The following NR2C2 variants were observed in gnomAD, a reference collection of about 807,000 sequenced individuals.
The protein encoded by NR2C2 is nuclear receptor subfamily 2 group C member 2.
In NR2C2, 6 loss-of-function variants were observed where a neutral mutation model predicts 62.9. The observed-to-expected ratio is 0.10, with a 90% CI of 0.05 to 0.19. NR2C2 has a LOEUF of 0.19. Among genes scored for constraint, NR2C2 ranks in the 10% least tolerant of loss-of-function variants. The pLI is 1.00. For synonymous variants in NR2C2, 272 were observed against 273.8 expected (o/e 0.99, Z 0.07); for missense variants, 479 against 762.7 (o/e 0.63, Z 4.38).
At chr3:14,978,486 G>A (rs527961763) in intron 1 of NR2C2, among the ~76,000 whole-genome samples, 4 of 152,262 alleles carry the variant, frequency 2.6e-5, no homozygotes, top group African/African-American at 9.6e-5. Flanking sequence ...AATGTGTATT[G>A]CTTTTGTACC....
chr3:14,947,943 C>T, intron 1 of NR2C2, 37 bp downstream of exon 1: 1 of 151,280 alleles, frequency 6.6e-6, no homozygotes, highest in South Asian at 2.0e-4. Context: ...CTCGGGCCGG[C>T]GGCGGAGGGG....
chr3:15,004,685 T>C, intron 2 of NR2C2: 1 of 1,537,082 alleles, frequency 6.5e-7, no homozygotes, highest in East Asian at 2.3e-5. Flanking sequence ...GATTTATTGT[T>C]ATCTCAACAA....
At position 15,045,622 on chromosome 3, in the gene NR2C2, C is replaced by T. The variant is rs2042421490; in HGVS notation, c.*2614C>T. The T allele has an allele frequency of 1.3e-5, 2 of 152,648 alleles. No individual in the cohort carries two copies. Among genetic ancestry groups the T allele is most frequent in the Non-Finnish European group, 2.9e-5 (2 of 68,048 alleles). The allele number at this position is 152,648 out of a possible 1,614,324, so 9.5% of individuals were successfully genotyped here. A position where few individuals can be genotyped will look rare whatever the true frequency, so the allele number is the denominator to read the frequency against. On this transcript the variant is annotated 3_prime_UTR_variant, in exon 14 of 14. Coordinates refer to ENST00000425241, the MANE Select transcript of NR2C2 (RefSeq NM_001291694.2). ...CTTGCTGCTTTAACTCATTTCAAGC[C>T]TCTGACTGCAGGTCCATTTCATCTC...
chr3:14,987,142 G>A (rs999311040), intron 1 of NR2C2, among the ~76,000 whole-genome samples: 3 of 152,114 alleles, frequency 2.0e-5, no homozygotes, highest in African/African-American at 7.2e-5. Flanking sequence ...GAGTCCAGTG[G>A]CAGGAACACA....
At chr3:14,959,146 T>G (rs973628967) in intron 1 of NR2C2, 4 of 152,250 alleles carry the variant, frequency 2.6e-5, no homozygotes, top group Non-Finnish European at 5.9e-5. Context: ...GTGTGATCTT[T>G]CTGTCTCTAG....
At chr3:15,022,247 A>G (rs1292391490) in intron 5 of NR2C2, among the ~76,000 whole-genome samples, 1 of 152,256 alleles carries the variant, frequency 6.6e-6, no homozygotes, top group Non-Finnish European at 1.5e-5. Flanking sequence ...GTTTGCTAGC[A>G]TAATATAAAA....
intron 11 of NR2C2, among the ~76,000 whole-genome samples, chr3:15,035,638 T>C (rs898718291): frequency 6.6e-6 from 1 of 152,252 alleles, no homozygotes; most frequent in Admixed American, 6.5e-5. Flanking sequence ...CTCACTCCTG[T>C]AATCCCAGCA....
At chr3:14,963,002 A>G (rs2039731729) in intron 1 of NR2C2, among the ~76,000 whole-genome samples, 1 of 152,142 alleles carries the variant, frequency 6.6e-6, no homozygotes, top group South Asian at 2.1e-4. Context: ...TGAGAAGTAT[A>G]ATTCCATGTG....
In NR2C2 at chr3:14,987,599, C is replaced by T. The variant is rs536845459; in HGVS notation, c.-39-16277C>T. ...GTCATTTCCACCTCTACCTCTGTCA[C>T]TTCTTAATCTCCTTACTCGTACTTG... On this transcript the variant is annotated intron_variant, in intron 1 of 13. Transcript: ENST00000425241. Among the ~76,000 whole-genome samples the T allele has an allele frequency of 3.3e-5, 5 of 152,280 alleles. No homozygotes were observed. The East Asian group carries it at 9.6e-4, about 29-fold the overall frequency.
At chr3:14,975,668 T>C (rs1301821070) in intron 1 of NR2C2, among the ~76,000 whole-genome samples, 2 of 152,156 alleles carry the variant, frequency 1.3e-5, no homozygotes, top group Non-Finnish European at 2.9e-5. Flanking sequence ...GAGAATAATT[T>C]ATAGTTTTCT....
At chr3:15,029,892 A>G (rs2041931146) in intron 8 of NR2C2, among the ~76,000 whole-genome samples, 1 of 151,858 alleles carries the variant, frequency 6.6e-6, no homozygotes, top group Non-Finnish European at 1.5e-5. Flanking sequence ...GAAAGAGACA[A>G]AGAGAAAAGG....
Position 14,947,756 on chromosome 3 carries a change from C to A in NR2C2, c.-190C>A, listed in dbSNP as rs1374703419. The A allele has an allele frequency of 6.7e-6, 1 of 149,684 alleles. No individual in the cohort carries two copies. The highest frequency in any genetic ancestry group is 2.4e-5 in the African/African-American group (1 of 41,006). The allele number at this position is 149,684 out of a possible 1,614,324, so 9.3% of individuals were successfully genotyped here. ...GCTCCCACCTCGGCGTCTCGTCTCT[C>A]GCCCGCTGCCCCGCGAGCCCGCGGC... On this transcript the variant is annotated 5_prime_UTR_variant, in exon 1 of 14. Coordinates refer to ENST00000425241, the MANE Select transcript of NR2C2 (RefSeq NM_001291694.2).
At chr3:14,996,854 G>A (rs925165247) in intron 1 of NR2C2, among the ~76,000 whole-genome samples, 2 of 152,338 alleles carry the variant, frequency 1.3e-5, no homozygotes, top group Non-Finnish European at 2.9e-5. Context: ...CAGCCACCAC[G>A]CCTGGCTAGA....
rs1051878485 is a variant in NR2C2 at position 15,007,295 on chromosome 3, A to T, written c.72+3309A>T. ...GGTGCTCGCCACCACACCTGGCTAAATTTTTATATTTTTAGTAGGGACGGG... is the reference window on the plus strand; with the variant it reads ...GGTGCTCGCCACCACACCTGGCTAATTTTTTATATTTTTAGTAGGGACGGG... On this transcript the variant is annotated intron_variant, in intron 2 of 13. Transcript: ENST00000425241. 2.2e-4 allele frequency among the ~76,000 whole-genome samples: 33 copies of T among 150,828 alleles called. 4 individuals are homozygous for T. Among genetic ancestry groups the T allele is most frequent in the South Asian group, 2.1e-3 (10 of 4,766 alleles).
intron 7 of NR2C2, 76 bp downstream of exon 7, chr3:15,024,284 C>A: frequency 1.0e-6 from 1 of 976,770 alleles, no homozygotes. Context: ...GTGTGCACCA[C>A]TTTCTTCCTG....
chr3:15,028,597 C>T lies in NR2C2; in HGVS notation c.810C>T (p.Ser270=). 1 of 1,612,704 alleles carries T rather than the reference C, an allele frequency of 6.2e-7. No individual in the cohort carries two copies. Among genetic ancestry groups the T allele is most frequent in the Non-Finnish European group, 8.5e-7 (1 of 1,178,982 alleles). ...LLATDSKAET[S]QGALGTLANV... is the part of the protein sequence containing the mutation. ...TTTTTGTTTAATAGGCTGAAACAAGCCAGGGAGCTCTGGGCACACTGGCAA... is the reference window on the plus strand; with the variant it reads ...TTTTTGTTTAATAGGCTGAAACAAGTCAGGGAGCTCTGGGCACACTGGCAA... The change falls in exon 8 of 14, where the codon AGC becomes AGT. Residue 270 remains serine (S), a synonymous_variant. Coordinates refer to ENST00000425241, the MANE Select transcript of NR2C2 (RefSeq NM_001291694.2).
chr3:15,030,241 T>A, intron 8 of NR2C2, 34 bp from the exon 9 acceptor site: 1 of 1,576,142 alleles, frequency 6.3e-7, no homozygotes. Context: ...AGCTGTAGAT[T>A]CACAACAATT....
chr3:14,962,495 G>T (rs993934287), intron 1 of NR2C2: 13 of 152,656 alleles, frequency 8.5e-5, no homozygotes, highest in African/African-American at 2.9e-4. Flanking sequence ...TGGCTGAGGT[G>T]AGTGACAGGG....
intron 8 of NR2C2, 116 bp from the exon 9 acceptor site, chr3:15,030,159 T>TCCTAAAAATACAA (rs2125057110): frequency 1.1e-6 from 1 of 896,462 alleles, no homozygotes; most frequent in Non-Finnish European, 1.7e-6. Flanking sequence ...ACCCCATCTC[T>TCCTAAAAATACAA]ACGGTAGAAT....
Sources: gnomAD v4.1 joint callset for allele counts (sites outside exome capture counted in the v4.1 genomes callset) on GRCh38, gnomAD v4.1.1 for gene constraint, MANE v1.5 for transcripts, NCBI Gene and HGNC (gene_info 2026-07-23, HGNC 2026-07-21) for gene names.